CSMD1: variants seen among roughly 807,000 people sequenced by gnomAD.
The protein encoded by CSMD1 is CUB and Sushi multiple domains 1.
A neutral mutation model predicts 417.5 loss-of-function variants in CSMD1; 213 were observed. The observed-to-expected ratio is 0.51, with a 90% CI of 0.46 to 0.57. The LOEUF (loss-of-function observed/expected upper bound fraction) is 0.57. CSMD1 is among the 20% of genes least tolerant of loss of function. The pLI is 0.00. For missense variants in CSMD1, 6,923 were observed against 4,529.7 expected (o/e 1.53, Z -15.17); for synonymous variants, 2,862 against 1,736.8 (o/e 1.65, Z -16.11).
intron 3 of CSMD1, among the ~76,000 whole-genome samples, chr8:4,213,374 T>C (rs1222545716): frequency 6.6e-6 from 1 of 152,150 alleles, no homozygotes; most frequent in East Asian, 1.9e-4. Flanking sequence ...AGGCTATTCT[T>C]TGAAATTTAC....
intron 3 of CSMD1, among the ~76,000 whole-genome samples, chr8:4,068,316 G>C (rs939258637): frequency 2.6e-5 from 4 of 152,176 alleles, no homozygotes; most frequent in Non-Finnish European, 5.9e-5. Flanking sequence ...TTGCGGGAGA[G>C]CTGTGAGGCC....
intron 3 of CSMD1, among the ~76,000 whole-genome samples, chr8:4,151,672 T>C (rs1307698144): frequency 1.3e-5 from 2 of 152,200 alleles, no homozygotes; most frequent in Non-Finnish European, 2.9e-5. Context: ...GTCAACATTA[T>C]AGGTGAAAAA....
chr8:3,278,310 TG>T (rs1374161895), intron 26 of CSMD1: 1 of 152,170 alleles, frequency 6.6e-6, no homozygotes, highest in East Asian at 1.9e-4. Flanking sequence ...AAAGTGTGCT[TG>T]GGAAAAATAT....
chr8:3,889,769 G>C (rs1445086479), intron 5 of CSMD1, among the ~76,000 whole-genome samples: 1 of 151,862 alleles, frequency 6.6e-6, no homozygotes, highest in Non-Finnish European at 1.5e-5. Flanking sequence ...GCATATGAAA[G>C]ACATAGAGAA....
At chr8:3,386,353 C>A (rs1309470868) in intron 18 of CSMD1, among the ~76,000 whole-genome samples, 1 of 152,176 alleles carries the variant, frequency 6.6e-6, no homozygotes, top group South Asian at 2.1e-4. Context: ...CCCACCTACT[C>A]CTGCCCAGAG....
At chr8:4,874,428 C>T (rs1302343005) in intron 1 of CSMD1, among the ~76,000 whole-genome samples, 1 of 135,542 alleles carries the variant, frequency 7.4e-6, no homozygotes, top group African/African-American at 2.7e-5. Flanking sequence ...CTTGCTCTGT[C>T]ACCCAGGCTG....
intron 7 of CSMD1, among the ~76,000 whole-genome samples, chr8:3,674,125 C>T (rs55931443): frequency 0.14 from 21,024 of 151,980 alleles, 1,618 homozygotes; most frequent in South Asian, 0.21. Context: ...AAAAAATCTC[C>T]CTAGAAACTG....
At position 4,979,133 on chromosome 8, in the gene CSMD1, T is replaced by C. The variant is rs566920369; in HGVS notation, c.85+15199A>G. 2.0e-5 allele frequency among the ~76,000 whole-genome samples: 3 copies of C among 152,324 alleles called. No homozygotes were observed. The East Asian group carries it at 5.8e-4, about 29-fold the overall frequency. On this transcript the variant is annotated intron_variant, in intron 1 of 69. Transcript: ENST00000635120. ...CTTTTCTACCTGACTCTACTGAGTCTCTAATTGTATTCAAGCTAAATTTCA... is the reference window on the plus strand; with the variant it reads ...CTTTTCTACCTGACTCTACTGAGTCCCTAATTGTATTCAAGCTAAATTTCA...
intron 3 of CSMD1, among the ~76,000 whole-genome samples, chr8:4,284,264 A>G (rs115693922): frequency 0.029 from 4,394 of 152,152 alleles, 243 homozygotes; most frequent in African/African-American, 0.1. Flanking sequence ...GCTGCTCGCG[A>G]GGCTGAGACA....
intron 5 of CSMD1, among the ~76,000 whole-genome samples, chr8:3,989,145 G>T (rs1814553581): frequency 6.6e-6 from 1 of 152,306 alleles, no homozygotes; most frequent in African/African-American, 2.4e-5. Context: ...CGGGCATTTT[G>T]CTAAGGGTTT....
chr8:4,917,354 G>C (rs1451519101), intron 1 of CSMD1, among the ~76,000 whole-genome samples: 1 of 152,200 alleles, frequency 6.6e-6, no homozygotes, highest in East Asian at 1.9e-4. Context: ...GAGATTTGGG[G>C]CAGGGTGCGG....
chr8:4,848,895 T>G (rs1036137231), intron 1 of CSMD1, among the ~76,000 whole-genome samples: 2 of 152,226 alleles, frequency 1.3e-5, no homozygotes, highest in African/African-American at 2.4e-5. Context: ...GTTTATAGTT[T>G]TACTATATTG....
chr8:4,929,772 G>T (rs1255675633), intron 1 of CSMD1, among the ~76,000 whole-genome samples: 1 of 152,146 alleles, frequency 6.6e-6, no homozygotes, highest in African/African-American at 2.4e-5. Context: ...TAAGCCACAG[G>T]AGATGATGGT....
At chr8:3,485,465 T>C (rs1417791943) in intron 11 of CSMD1, among the ~76,000 whole-genome samples, 1 of 151,674 alleles carries the variant, frequency 6.6e-6, no homozygotes, top group African/African-American at 2.4e-5. Context: ...ATTACCTGTC[T>C]TGACTGTGGC....
chr8:4,125,589 C>A (rs114720054), intron 3 of CSMD1, among the ~76,000 whole-genome samples: 3,709 of 152,240 alleles, frequency 0.024, 163 homozygotes, highest in African/African-American at 0.084. Context: ...ACTGAAACTG[C>A]CTTTGCAGAA....
At chr8:3,805,154 T>G (rs527849680) in intron 5 of CSMD1, among the ~76,000 whole-genome samples, 1 of 152,040 alleles carries the variant, frequency 6.6e-6, no homozygotes, top group Non-Finnish European at 1.5e-5. Context: ...GACAGCAGCA[T>G]CCCATTCAAA....
intron 1 of CSMD1, among the ~76,000 whole-genome samples, chr8:4,642,710 G>A (rs192930368): frequency 1.2e-3 from 183 of 152,354 alleles, no homozygotes; most frequent in African/African-American, 4.2e-3. Context: ...AGCCTTTGAA[G>A]TGGGGTGTGT....
At chr8:3,889,668 T>C (rs2461851) in intron 5 of CSMD1, among the ~76,000 whole-genome samples, 83,985 of 150,270 alleles carry the variant, frequency 0.56, 25,008 homozygotes, top group Admixed American at 0.67. Context: ...CTATCTACTG[T>C]CTATCTGCAA....
At chr8:3,870,082 A>C (rs942400955) in intron 5 of CSMD1, among the ~76,000 whole-genome samples, 2 of 151,676 alleles carry the variant, frequency 1.3e-5, no homozygotes, top group African/African-American at 4.8e-5. Context: ...TATAATGATT[A>C]TTAAGTTATC....
Sources: gnomAD v4.1 joint callset for allele counts (sites outside exome capture counted in the v4.1 genomes callset) on GRCh38, gnomAD v4.1.1 for gene constraint, MANE v1.5 for transcripts, NCBI Gene and HGNC (gene_info 2026-07-23, HGNC 2026-07-21) for gene names.